DACH2: variants seen among roughly 807,000 people sequenced by gnomAD.
DACH2 encodes the protein dachshund family transcription factor 2.
In DACH2, 17 loss-of-function variants were observed where a neutral mutation model predicts 35.8. The observed-to-expected ratio is 0.48, with a 90% CI of 0.33 to 0.71. DACH2 has a LOEUF of 0.71. DACH2 is among the 30% of genes least tolerant of loss of function. The probability of loss-of-function intolerance (pLI) is 0.02; values close to 1 mark genes in which losing one functional copy is unlikely to be tolerated. For missense variants in DACH2, 469 were observed against 472.7 expected (o/e 0.99, Z 0.07); for synonymous variants, 195 against 177.3 (o/e 1.10, Z -0.79).
At chrX:86,628,434 C>T (rs1015001996) in intron 3 of DACH2, among the ~76,000 whole-genome samples, 3 of 111,782 alleles carry the variant, frequency 2.7e-5, no homozygotes, top group African/African-American at 9.8e-5. Flanking sequence ...CTTTATGATT[C>T]CTCAGTCAGT....
At chrX:86,543,798 A>T (rs2038919660) in intron 3 of DACH2, among the ~76,000 whole-genome samples, 1 of 90,202 alleles carries the variant, frequency 1.1e-5, no homozygotes. Context: ...GAACACATGG[A>T]CACAGGAAGG....
At chrX:86,734,771 A>T (rs764780685) in intron 6 of DACH2, among the ~76,000 whole-genome samples, 26 of 75,007 alleles carry the variant, frequency 3.5e-4, no homozygotes, top group Non-Finnish European at 6.1e-4. Flanking sequence ...GTTAGTAAAA[A>T]CAATGAGCAA....
intron 2 of DACH2, among the ~76,000 whole-genome samples, chrX:86,399,715 C>A (rs2036382857): frequency 8.9e-6 from 1 of 112,003 alleles, no homozygotes; most frequent in East Asian, 2.8e-4. Flanking sequence ...GGCCCCCACT[C>A]TCTTCTGGCT....
chrX:86,491,336 A>T (rs186175086), intron 2 of DACH2, among the ~76,000 whole-genome samples: 1 of 111,926 alleles, frequency 8.9e-6, no homozygotes, highest in East Asian at 2.8e-4. Flanking sequence ...CACAGTTGCC[A>T]CCTCAAAATG....
In DACH2 at chrX:86,477,738, C is replaced by A. The variant is rs1273034063; in HGVS notation, c.528-36541C>A. 2.7e-5 allele frequency among the ~76,000 whole-genome samples: 3 copies of A among 111,066 alleles called. No homozygotes were observed. In the East Asian group the frequency reaches 8.4e-4, roughly 31 times the overall value. On this transcript the variant is annotated intron_variant, in intron 2 of 11. Coordinates refer to ENST00000373125, the MANE Select transcript of DACH2 (RefSeq NM_053281.3). ...TTGATGGTTTTGTGATCCTCTCCTCCTTCTTTCCTTTATTTCTGTTTTGCT... is the reference window on the plus strand; with the variant it reads ...TTGATGGTTTTGTGATCCTCTCCTCATTCTTTCCTTTATTTCTGTTTTGCT...
At chrX:86,544,850 A>G (rs940386089) in intron 3 of DACH2, among the ~76,000 whole-genome samples, 3 of 112,477 alleles carry the variant, frequency 2.7e-5, no homozygotes, top group Non-Finnish European at 3.8e-5. Flanking sequence ...ACAAGCGACA[A>G]TTAGATAAAA....
intron 1 of DACH2, among the ~76,000 whole-genome samples, chrX:86,341,883 A>G (rs1373392429): frequency 8.9e-6 from 1 of 111,987 alleles, no homozygotes; most frequent in East Asian, 2.8e-4. Flanking sequence ...GAGCCTGAAG[A>G]TGTGAATGAA....
At chrX:86,753,464 T>C (rs1049008135) in intron 7 of DACH2, among the ~76,000 whole-genome samples, 1 of 111,888 alleles carries the variant, frequency 8.9e-6, no homozygotes. Context: ...GTGATGACAA[T>C]AGATCAGACC....
chrX:86,369,510 G>A (rs909272704), intron 1 of DACH2, among the ~76,000 whole-genome samples: 1 of 110,206 alleles, frequency 9.1e-6, no homozygotes, highest in Non-Finnish European at 1.9e-5. Context: ...CTGCTTGATT[G>A]TCTTCATCTG....
intron 3 of DACH2, among the ~76,000 whole-genome samples, chrX:86,624,985 G>A (rs779084752): frequency 9.0e-6 from 1 of 111,213 alleles, no homozygotes; most frequent in East Asian, 2.9e-4. Flanking sequence ...TGAAAAAAAA[G>A]GTAGGAGAAA....
At chrX:86,490,421 C>A (rs1271023572) in intron 2 of DACH2, among the ~76,000 whole-genome samples, 3 of 111,208 alleles carry the variant, frequency 2.7e-5, no homozygotes, top group Non-Finnish European at 3.8e-5. Flanking sequence ...GATCTTAGAG[C>A]TATGTGTTAT....
intron 1 of DACH2, among the ~76,000 whole-genome samples, chrX:86,163,505 G>A (rs902879735): frequency 8.1e-5 from 9 of 110,524 alleles, no homozygotes; most frequent in African/African-American, 3.0e-4. Flanking sequence ...ATGTGACTGG[G>A]ATTTGTTATA....
chrX:86,692,568 A>G (rs1010277882), intron 4 of DACH2, among the ~76,000 whole-genome samples: 1 of 112,325 alleles, frequency 8.9e-6, no homozygotes. Flanking sequence ...GTACCATTTC[A>G]TATTAAATGT....
At chrX:86,831,607 T>A (rs1313422003) in intron 11 of DACH2, 1 of 111,029 alleles carries the variant, frequency 9.0e-6, no homozygotes, top group African/African-American at 3.3e-5. Context: ...GGGATACCGG[T>A]TTGACTAAAC....
At chrX:86,814,020 C>T (rs758907950) in intron 9 of DACH2, among the ~76,000 whole-genome samples, 4 of 111,333 alleles carry the variant, frequency 3.6e-5, no homozygotes. Flanking sequence ...TTTCGCGCTC[C>T]ATTATAATCT....
intron 11 of DACH2, among the ~76,000 whole-genome samples, chrX:86,824,172 G>T (rs1024894734): frequency 9.0e-6 from 1 of 110,624 alleles, no homozygotes; most frequent in Non-Finnish European, 1.9e-5. Flanking sequence ...TATCTCAACC[G>T]CATAAGACGG....
At chrX:86,686,861 C>G (rs934498773) in intron 4 of DACH2, among the ~76,000 whole-genome samples, 5 of 111,944 alleles carry the variant, frequency 4.5e-5, no homozygotes, top group Admixed American at 9.5e-5. Flanking sequence ...CTTTGAAACT[C>G]AATAATGTGA....
chrX:86,806,131 G>A (rs1008251615), intron 7 of DACH2, among the ~76,000 whole-genome samples: 3 of 111,200 alleles, frequency 2.7e-5, no homozygotes, highest in African/African-American at 9.8e-5. Context: ...AAATACTTGA[G>A]ACTGGGTAAC....
chrX:86,158,552 T>C (rs1029883438), intron 1 of DACH2, among the ~76,000 whole-genome samples: 4 of 110,010 alleles, frequency 3.6e-5, no homozygotes, highest in African/African-American at 1.3e-4. Flanking sequence ...TGTGTGTCTA[T>C]CCAGTACTTA....
Sources: gnomAD v4.1 joint callset for allele counts (sites outside exome capture counted in the v4.1 genomes callset) on GRCh38, gnomAD v4.1.1 for gene constraint, MANE v1.5 for transcripts, NCBI Gene and HGNC (gene_info 2026-07-23, HGNC 2026-07-21) for gene names.